The following PCED1B variants were observed in gnomAD, a reference collection of about 807,000 sequenced individuals.
The protein encoded by PCED1B is PC-esterase domain-containing protein 1B.
For missense variants in PCED1B, 573 were observed against 573.9 expected, an observed-to-expected ratio of 1.00 and a Z score of 0.02; for synonymous variants, 251 against 246.1, an observed-to-expected ratio of 1.02 and a Z score of -0.19.
At chr12:47,201,440 G>T (rs961841258) in intron 2 of PCED1B, among the ~76,000 whole-genome samples, 13 of 152,078 alleles carry the variant, frequency 8.5e-5, no homozygotes, top group Admixed American at 3.9e-4. Flanking sequence ...GAGTCTGTCT[G>T]GCTCTCTTAG....
At chr12:47,195,907 CTT>C (rs1184789744) in intron 2 of PCED1B, among the ~76,000 whole-genome samples, 1 of 152,118 alleles carries the variant, frequency 6.6e-6, no homozygotes, top group Non-Finnish European at 1.5e-5. Context: ...TAACCATTTG[CTT>C]TTTTCTTGAA....
chr12:47,099,916 T>C (rs1258129583), intron 1 of PCED1B, among the ~76,000 whole-genome samples: 2 of 152,192 alleles, frequency 1.3e-5, no homozygotes, highest in Non-Finnish European at 2.9e-5. Flanking sequence ...AAGCTGACTT[T>C]CCAATGAAGA....
At chr12:47,202,283 G>T (rs1349513769) in intron 2 of PCED1B, among the ~76,000 whole-genome samples, 1 of 152,154 alleles carries the variant, frequency 6.6e-6, no homozygotes, top group Non-Finnish European at 1.5e-5. Context: ...TTGGTTAAAA[G>T]TCTGGAAAAT....
intron 2 of PCED1B, chr12:47,208,763 C>G (rs1942988538): frequency 6.6e-6 from 1 of 152,152 alleles, no homozygotes; most frequent in African/African-American, 2.4e-5. Flanking sequence ...ACCTTGGGCT[C>G]CTAAACTGCT....
intron 2 of PCED1B, among the ~76,000 whole-genome samples, chr12:47,196,684 T>C (rs1414081657): frequency 6.6e-6 from 1 of 151,912 alleles, no homozygotes; most frequent in Non-Finnish European, 1.5e-5. Flanking sequence ...AAAAATTATC[T>C]GGGCGTGGTG....
Position 47,132,709 on chromosome 12 carries a change from A to G in PCED1B, c.-526+28514A>G, listed in dbSNP as rs79691466. ...AGAAGGAAAACTGGAGGGATACTATATATGTGACTCAGCCCAAGTGCAGCA... is the reference window on the plus strand; with the variant it reads ...AGAAGGAAAACTGGAGGGATACTATGTATGTGACTCAGCCCAAGTGCAGCA... On this transcript the variant is annotated intron_variant, in intron 2 of 3. Coordinates refer to ENST00000546455, the MANE Select transcript of PCED1B (RefSeq NM_138371.3). 6.6e-4 allele frequency among the ~76,000 whole-genome samples: 101 copies of G among 152,318 alleles called. 1 individual carries two copies. In the East Asian group the frequency reaches 0.013, roughly 20 times the overall value.
intron 3 of PCED1B, chr12:47,223,897 G>A (rs577876743): frequency 6.6e-6 from 1 of 152,322 alleles, no homozygotes; most frequent in South Asian, 2.1e-4. Flanking sequence ...ATTTGACGAG[G>A]TAGGTAATAT....
chr12:47,093,628 T>C (rs1470768761), intron 1 of PCED1B, among the ~76,000 whole-genome samples: 1 of 152,028 alleles, frequency 6.6e-6, no homozygotes, highest in Non-Finnish European at 1.5e-5. Context: ...CACATGATTT[T>C]TCAAATGTGA....
intron 2 of PCED1B, among the ~76,000 whole-genome samples, chr12:47,194,098 G>T (rs1270032035): frequency 6.6e-6 from 1 of 152,154 alleles, no homozygotes; most frequent in Non-Finnish European, 1.5e-5. Flanking sequence ...GCCCTTTGCA[G>T]CCAGCATTTT....
intron 2 of PCED1B, among the ~76,000 whole-genome samples, chr12:47,169,739 T>C (rs1353164052): frequency 2.0e-5 from 3 of 151,990 alleles, no homozygotes; most frequent in African/African-American, 7.2e-5. Context: ...CCTGTAATCC[T>C]AGTGTTTTGG....
chr12:47,202,594 TAAAAA>T (rs60769675), intron 2 of PCED1B, among the ~76,000 whole-genome samples: 2 of 66,676 alleles, frequency 3.0e-5, no homozygotes, highest in East Asian at 3.3e-4. Context: ...TAGACATTAG[TAAAAA>T]AAAAAAAAAA....
At chr12:47,190,888 T>G (rs961234652) in intron 2 of PCED1B, among the ~76,000 whole-genome samples, 1 of 152,114 alleles carries the variant, frequency 6.6e-6, no homozygotes, top group African/African-American at 2.4e-5. Flanking sequence ...GGAGGTGAGA[T>G]TCTCTGATGA....
rs577837569 is a variant in PCED1B, at chr12:47,142,713, G to A, written c.-526+38518G>A. ...GAGAGCTTCAACAACAGACTTGATC[G>A]CGCAGAAGAAAAAAATCAGCAAATC... On this transcript the variant is annotated intron_variant, in intron 2 of 3. Coordinates refer to ENST00000546455, the MANE Select transcript of PCED1B (RefSeq NM_138371.3). Among the ~76,000 whole-genome samples the A allele has an allele frequency of 7.2e-5, 11 of 151,870 alleles. No homozygotes were observed. In the East Asian group the frequency reaches 7.8e-4, roughly 11 times the overall value.
chr12:47,104,628 A>T (rs1938863772), intron 2 of PCED1B, among the ~76,000 whole-genome samples: 1 of 152,182 alleles, frequency 6.6e-6, no homozygotes, highest in South Asian at 2.1e-4. Context: ...ATTATGTTGT[A>T]CCCTGGAGGG....
intron 2 of PCED1B, among the ~76,000 whole-genome samples, chr12:47,134,821 T>C (rs1305852477): frequency 6.6e-6 from 1 of 152,240 alleles, no homozygotes; most frequent in Non-Finnish European, 1.5e-5. Context: ...TGAGCTGAGA[T>C]TGTGCCACTG....
At chr12:47,109,699 A>G (rs1326907146) in intron 2 of PCED1B, among the ~76,000 whole-genome samples, 1 of 152,140 alleles carries the variant, frequency 6.6e-6, no homozygotes, top group Non-Finnish European at 1.5e-5. Context: ...AAAACTAGTT[A>G]TGTGCCAGGC....
At chr12:47,142,097 A>T (rs1821207274) in intron 2 of PCED1B, among the ~76,000 whole-genome samples, 1 of 152,160 alleles carries the variant, frequency 6.6e-6, no homozygotes, top group Non-Finnish European at 1.5e-5. Flanking sequence ...CAAGCTTCGA[A>T]CCCTGAAGTG....
At chr12:47,134,028 A>T (rs1940242382) in intron 2 of PCED1B, among the ~76,000 whole-genome samples, 1 of 152,200 alleles carries the variant, frequency 6.6e-6, no homozygotes, top group Admixed American at 6.5e-5. Context: ...GAACTGTAAT[A>T]AATGAATTTC....
chr12:47,109,876 A>G (rs1485616898), intron 2 of PCED1B, among the ~76,000 whole-genome samples: 2 of 152,176 alleles, frequency 1.3e-5, no homozygotes, highest in African/African-American at 4.8e-5. Context: ...TTTCATATGG[A>G]ACCAAGAATG....
Sources: gnomAD v4.1 joint callset for allele counts (sites outside exome capture counted in the v4.1 genomes callset) on GRCh38, gnomAD v4.1.1 for gene constraint, MANE v1.5 for transcripts, NCBI Gene and HGNC (gene_info 2026-07-23, HGNC 2026-07-21) for gene names.